STK35: variants seen among roughly 807,000 people sequenced by gnomAD.
STK35 encodes serine/threonine kinase 35.
In STK35, 17 loss-of-function variants were observed where a neutral mutation model predicts 37.3. The observed-to-expected ratio is 0.46, with a 90% CI of 0.31 to 0.68. STK35 has a LOEUF of 0.68. Ranked by LOEUF, STK35 falls within the 30% of genes least tolerant of loss-of-function variation. The probability of loss-of-function intolerance (pLI) is 0.05; values close to 1 mark genes in which losing one functional copy is unlikely to be tolerated. For missense variants in STK35, 595 were observed against 746.7 expected (o/e 0.80, Z 2.37); for synonymous variants, 385 against 319.1 (o/e 1.21, Z -2.20).
chr20:2,124,871 T>G (rs1985878528), intron 3 of STK35, among the ~76,000 whole-genome samples: 1 of 152,282 alleles, frequency 6.6e-6, no homozygotes, highest in African/African-American at 2.4e-5. Flanking sequence ...ATTTTTTTTG[T>G]AAGTCCCCAC....
intron 3 of STK35, among the ~76,000 whole-genome samples, chr20:2,136,727 G>A (rs1444189882): frequency 2.0e-5 from 3 of 152,238 alleles, no homozygotes. Context: ...CAGCACTGCT[G>A]CTTGGTCACC....
chr20:2,140,378 A>G (rs1600623085), intron 3 of STK35, among the ~76,000 whole-genome samples: 1 of 131,484 alleles, frequency 7.6e-6, no homozygotes, highest in African/African-American at 2.8e-5. Flanking sequence ...GGCCTCCCCA[A>G]GGGCCCACTG....
intron 2 of STK35, among the ~76,000 whole-genome samples, chr20:2,109,668 A>T (rs1022071802): frequency 3.3e-5 from 5 of 152,212 alleles, no homozygotes; most frequent in African/African-American, 4.8e-5. Context: ...GTGTCCAGAG[A>T]CATTAGCATA....
At chr20:2,111,603 T>TGA (rs1222983855) in intron 2 of STK35, among the ~76,000 whole-genome samples, 1 of 152,158 alleles carries the variant, frequency 6.6e-6, no homozygotes, top group African/African-American at 2.4e-5. Context: ...TTCGAGAGGC[T>TGA]GAGGCAGGAG....
intron 3 of STK35, among the ~76,000 whole-genome samples, chr20:2,118,102 T>C (rs776795330): frequency 2.0e-5 from 3 of 152,178 alleles, no homozygotes; most frequent in Non-Finnish European, 4.4e-5. Flanking sequence ...CGGTTCCACA[T>C]AGTTTAGATC....
intron 3 of STK35, among the ~76,000 whole-genome samples, chr20:2,135,529 A>G (rs1986071880): frequency 6.6e-6 from 1 of 152,196 alleles, no homozygotes; most frequent in Non-Finnish European, 1.5e-5. Flanking sequence ...TATATTTGCC[A>G]TTTTACAAAT....
rs187136746 is a variant in STK35, at chr20:2,125,773, T to C, written c.*37+8358T>C. Among the ~76,000 whole-genome samples, 74 of 152,280 alleles carry C rather than the reference T, an allele frequency of 4.9e-4. 2 individuals carry two copies. Among genetic ancestry groups the C allele is most frequent in the African/African-American group, 1.7e-3 (71 of 41,568 alleles). On this transcript the variant is annotated intron_variant, in intron 3 of 3. Coordinates refer to ENST00000381482, the MANE Select transcript of STK35 (RefSeq NM_080836.4). ...AGGCTGGGATAGTGTGAGGTGCCCA[T>C]ATAACCGAGGTCTGGCAGCAGAGAA...
In STK35 at chr20:2,144,907, C is replaced by T. The variant is rs3748512; in HGVS notation, c.*1161C>T. ...GACACACACTGTCAAGCGCCATTTCCCTCACCCCTGGAGACTTACTGTTAG... is the reference window on the plus strand; with the variant it reads ...GACACACACTGTCAAGCGCCATTTCTCTCACCCCTGGAGACTTACTGTTAG... On this transcript the variant is annotated 3_prime_UTR_variant, in exon 4 of 4. Transcript: ENST00000381482. 50,209 of 152,754 alleles carry T rather than the reference C, an allele frequency of 0.33. 9,837 individuals carry two copies. Among genetic ancestry groups the T allele is most frequent in the East Asian group, 0.92 (4,765 of 5,168 alleles). The allele number at this position is 152,754 out of a possible 1,614,324, so 9.5% of individuals were successfully genotyped here.
At chr20:2,104,304 G>A (rs1041575613) in intron 2 of STK35, among the ~76,000 whole-genome samples, 25 of 152,116 alleles carry the variant, frequency 1.6e-4, no homozygotes, top group Admixed American at 2.0e-4. Context: ...GAGGATCCAG[G>A]GGAAGAAAGT....
Position 2,102,047 on chromosome 20 carries a change from C to A in STK35, c.166C>A (p.Arg56Ser). 6.6e-7 allele frequency: 1 copy of A among 1,524,410 alleles called. No homozygotes were observed. Among genetic ancestry groups the A allele is most frequent in the Non-Finnish European group, 8.8e-7 (1 of 1,141,092 alleles). 94.4% of individuals were successfully genotyped at this position (1,524,410 alleles called of 1,614,324 possible). The change falls in exon 1 of 4, where the codon CGC (arginine) becomes AGC (serine). Residue 56 changes from arginine to serine, a missense_variant. By Grantham distance (110) the Arg-to-Ser change is moderately radical. Coordinates refer to ENST00000381482, the MANE Select transcript of STK35 (RefSeq NM_080836.4). ...SAAAAEGSAT[R>S]RARAATSRAA... Reference sequence around the variant, plus strand: ...CGCGGCAGCAGAAGGATCCGCTACACGCCGGGCTCGGGCCGCCACCTCCCG... The same window carrying A: ...CGCGGCAGCAGAAGGATCCGCTACAAGCCGGGCTCGGGCCGCCACCTCCCG...
rs1429749610 is a variant in STK35, at chr20:2,144,616, C to T, written c.*870C>T. ...CTTTCTGTTGGGAAAAACTGTTGTG[C>T]CAAACTCTTGTGTGGAACACAGCTG... On this transcript the variant is annotated 3_prime_UTR_variant, in exon 4 of 4. Transcript: ENST00000381482. The T allele has an allele frequency of 6.5e-6, 1 of 152,926 alleles. No homozygotes were observed. Among genetic ancestry groups the T allele is most frequent in the Non-Finnish European group, 1.5e-5 (1 of 68,186 alleles). 9.5% of individuals were successfully genotyped at this position (152,926 alleles called of 1,614,324 possible). A position where few individuals can be genotyped will look rare whatever the true frequency, so the allele number is the denominator to read the frequency against.
chr20:2,120,435 G>C (rs886596880), intron 3 of STK35, among the ~76,000 whole-genome samples: 7 of 152,206 alleles, frequency 4.6e-5, no homozygotes, highest in African/African-American at 1.7e-4. Flanking sequence ...TACAGTACTG[G>C]TGGTGCCAAT....
intron 3 of STK35, among the ~76,000 whole-genome samples, chr20:2,137,950 G>T (rs1297472789): frequency 6.6e-6 from 1 of 152,180 alleles, no homozygotes; most frequent in African/African-American, 2.4e-5. Context: ...CACTTGTGAG[G>T]CCTGCTTGCT....
At chr20:2,115,822 T>A (rs1296896024) in intron 2 of STK35, among the ~76,000 whole-genome samples, 1 of 152,158 alleles carries the variant, frequency 6.6e-6, no homozygotes, top group Admixed American at 6.5e-5. Flanking sequence ...GCTCCCCCAC[T>A]GATCTACTGC....
chr20:2,128,623 C>T (rs1398048932), intron 3 of STK35, among the ~76,000 whole-genome samples: 3 of 152,078 alleles, frequency 2.0e-5, no homozygotes, highest in Admixed American at 6.5e-5. Flanking sequence ...TTAACCTCTC[C>T]GTGGGCTTCC....
At chr20:2,126,221 T>C (rs1985903231) in intron 3 of STK35, among the ~76,000 whole-genome samples, 1 of 152,114 alleles carries the variant, frequency 6.6e-6, no homozygotes, top group Non-Finnish European at 1.5e-5. Context: ...TTCTGGCATA[T>C]GGTAGGCACT....
At chr20:2,112,091 G>C (rs1005365035) in intron 2 of STK35, among the ~76,000 whole-genome samples, 1 of 152,238 alleles carries the variant, frequency 6.6e-6, no homozygotes, top group Non-Finnish European at 1.5e-5. Context: ...TGTGTGCTCA[G>C]AAATTGTTGA....
chr20:2,121,607 GC>G (rs1321119529), intron 3 of STK35, among the ~76,000 whole-genome samples: 5 of 152,186 alleles, frequency 3.3e-5, no homozygotes, highest in African/African-American at 7.2e-5. Context: ...GAGGGGTCCA[GC>G]CTAGAGATAC....
In STK35 at chr20:2,111,088, T is replaced by C. The variant is rs563529740; in HGVS notation, c.893-5578T>C. Among the ~76,000 whole-genome samples the C allele has an allele frequency of 3.3e-5, 5 of 152,320 alleles. No individual in the cohort carries two copies. In the South Asian group the frequency reaches 6.2e-4, roughly 19 times the overall value. On this transcript the variant is annotated intron_variant, in intron 2 of 3. Coordinates refer to ENST00000381482, the MANE Select transcript of STK35 (RefSeq NM_080836.4). Reference sequence around the variant, plus strand: ...TATGTGACAAGTTATTAAATCTTATTTATCCTAAACTTCTAAGACCTTTCA... The same window carrying C: ...TATGTGACAAGTTATTAAATCTTATCTATCCTAAACTTCTAAGACCTTTCA...
Sources: allele counts gnomAD v4.1 joint callset (sites outside exome capture counted in the v4.1 genomes callset), GRCh38; gene constraint gnomAD v4.1.1; transcripts MANE v1.5; gene names NCBI Gene and HGNC (gene_info 2026-07-23, HGNC 2026-07-21).